The following NCALD variants were observed in gnomAD, a reference collection of about 807,000 sequenced individuals.
The protein encoded by NCALD is neurocalcin-delta.
Under a neutral mutation model 18.6 loss-of-function variants are expected in NCALD, and 10 were observed. The observed-to-expected ratio is 0.54, with a 90% CI of 0.33 to 0.91. The LOEUF (loss-of-function observed/expected upper bound fraction) is 0.91. Ranked by LOEUF, NCALD falls within the 40% of genes least tolerant of loss-of-function variation. NCALD has a pLI of 0.03. For missense variants in NCALD, 184 were observed against 247.6 expected (o/e 0.74, Z 1.72); for synonymous variants, 88 against 87.4 (o/e 1.01, Z -0.04).
chr8:102,054,724 T>TATAA (rs1823585369), intron 1 of NCALD, among the ~76,000 whole-genome samples: 1 of 149,802 alleles, frequency 6.7e-6, no homozygotes, highest in Admixed American at 6.7e-5. Context: ...ATAGATATCC[T>TATAA]ATAGATAGAT....
intron 1 of NCALD, among the ~76,000 whole-genome samples, chr8:102,040,475 A>AG (rs1409865481): frequency 6.7e-6 from 1 of 150,018 alleles, no homozygotes; most frequent in Non-Finnish European, 1.5e-5. Flanking sequence ...ATCCATCAAA[A>AG]AAAAAAAAGA....
At chr8:101,864,696 G>A (rs1490217659) in intron 4 of NCALD, among the ~76,000 whole-genome samples, 2 of 150,966 alleles carry the variant, frequency 1.3e-5, no homozygotes, top group African/African-American at 4.9e-5. Context: ...CTGGGTTAAA[G>A]CGATTCTTCT....
intron 1 of NCALD, among the ~76,000 whole-genome samples, chr8:102,079,372 C>A (rs1336589377): frequency 6.6e-6 from 1 of 152,200 alleles, no homozygotes; most frequent in Non-Finnish European, 1.5e-5. Flanking sequence ...ACCGTATTTT[C>A]CCCGTTTTCT....
At chr8:101,906,076 A>G (rs1353763812) in intron 3 of NCALD, among the ~76,000 whole-genome samples, 2 of 152,184 alleles carry the variant, frequency 1.3e-5, no homozygotes, top group Non-Finnish European at 2.9e-5. Flanking sequence ...ATTATGGGTG[A>G]TGTCAAGTTC....
intron 4 of NCALD, among the ~76,000 whole-genome samples, chr8:101,822,012 C>T (rs1026597831): frequency 2.0e-5 from 3 of 151,854 alleles, no homozygotes; most frequent in Non-Finnish European, 4.4e-5. Flanking sequence ...AAACTTTCCT[C>T]GAGACACTCC....
At chr8:101,731,526 C>T (rs546825265) in intron 1 of NCALD, among the ~76,000 whole-genome samples, 1 of 152,230 alleles carries the variant, frequency 6.6e-6, no homozygotes, top group East Asian at 1.9e-4. Flanking sequence ...TCACTCCCCG[C>T]CCCCCATGGT....
chr8:101,863,635 C>A (rs890363683), intron 4 of NCALD, among the ~76,000 whole-genome samples: 3 of 152,160 alleles, frequency 2.0e-5, no homozygotes, highest in African/African-American at 7.2e-5. Context: ...GAATGAAATT[C>A]ATTTCCTTAT....
intron 1 of NCALD, among the ~76,000 whole-genome samples, chr8:102,081,576 A>AAAAAAAAAAAAAAAAAAC (rs370277767): frequency 4.7e-5 from 3 of 63,432 alleles, no homozygotes; most frequent in African/African-American, 3.8e-4. Flanking sequence ...AAAAAAAAAA[A>AAAAAAAAAAAAAAAAAAC]CCCCAAAAAA....
chr8:102,057,289 T>C lies in NCALD; in HGVS notation c.-209-37000A>G, dbSNP rs187488166. 6.8e-3 allele frequency among the ~76,000 whole-genome samples: 618 copies of C among 91,036 alleles called. 1 individual carries two copies. Among genetic ancestry groups the C allele is most frequent in the African/African-American group, 0.023 (578 of 25,638 alleles). The allele number at this position is 91,036 out of a possible 152,430, so 59.7% of individuals were successfully genotyped here. ...ACACACACACACACACACACACATA[T>C]GTACATATAGATAGATAGATATTTC... On this transcript the variant is annotated intron_variant, in intron 1 of 6. Transcript: ENST00000311028.
intron 1 of NCALD, among the ~76,000 whole-genome samples, chr8:101,725,837 T>C (rs1470170403): frequency 6.6e-6 from 1 of 151,912 alleles, no homozygotes; most frequent in African/African-American, 2.4e-5. Flanking sequence ...ACACAATACA[T>C]AAAATAAGTA....
At chr8:101,900,867 T>G (rs1043331825) in intron 3 of NCALD, among the ~76,000 whole-genome samples, 2 of 152,076 alleles carry the variant, frequency 1.3e-5, no homozygotes, top group Non-Finnish European at 2.9e-5. Context: ...AATGTTATGG[T>G]CTTCTCTATG....
intron 2 of NCALD, among the ~76,000 whole-genome samples, chr8:101,946,641 T>C (rs1226001846): frequency 1.3e-5 from 2 of 152,052 alleles, no homozygotes; most frequent in East Asian, 1.9e-4. Context: ...ATCAAATTTA[T>C]GATGAATCTT....
chr8:102,049,593 T>G (rs1195375310), intron 1 of NCALD, among the ~76,000 whole-genome samples: 3 of 152,154 alleles, frequency 2.0e-5, no homozygotes, highest in Non-Finnish European at 2.9e-5. Context: ...TTTGAGTATA[T>G]TTAGTTTTGT....
chr8:101,815,985 G>A (rs895351258), intron 4 of NCALD, among the ~76,000 whole-genome samples: 1 of 152,044 alleles, frequency 6.6e-6, no homozygotes, highest in East Asian at 1.9e-4. Context: ...ACAAAACCAC[G>A]AAAAGACAGG....
At chr8:101,852,786 A>T (rs1451015214) in intron 4 of NCALD, 1 of 152,122 alleles carries the variant, frequency 6.6e-6, no homozygotes, top group African/African-American at 2.4e-5. Context: ...GCCTAGTCTA[A>T]ACAGCTGCTT....
At chr8:102,108,225 A>G (rs115380491) in intron 1 of NCALD, among the ~76,000 whole-genome samples, 2,638 of 152,324 alleles carry the variant, frequency 0.017, 103 homozygotes, top group African/African-American at 0.06. Context: ...GTTACACAGC[A>G]CAGTTTGGCA....
chr8:102,066,443 G>T (rs575307203), intron 1 of NCALD, among the ~76,000 whole-genome samples: 1 of 152,038 alleles, frequency 6.6e-6, no homozygotes, highest in Non-Finnish European at 1.5e-5. Context: ...GCTCACAGTC[G>T]GCACTCACTG....
chr8:102,088,683 G>T (rs1587058248), intron 1 of NCALD, among the ~76,000 whole-genome samples: 1 of 152,112 alleles, frequency 6.6e-6, no homozygotes, highest in East Asian at 1.9e-4. Context: ...GTTTTCCATT[G>T]CATTATCTGA....
intron 2 of NCALD, among the ~76,000 whole-genome samples, chr8:101,701,246 A>G (rs1246343202): frequency 6.6e-6 from 1 of 152,162 alleles, no homozygotes; most frequent in Non-Finnish European, 1.5e-5. Flanking sequence ...ACAACCCCAG[A>G]CAGCCATCTG....
Sources: allele counts gnomAD v4.1 joint callset (sites outside exome capture counted in the v4.1 genomes callset), GRCh38; gene constraint gnomAD v4.1.1; transcripts MANE v1.5; gene names NCBI Gene and HGNC (gene_info 2026-07-23, HGNC 2026-07-21).